MCF2: variants seen among roughly 807,000 people sequenced by gnomAD.
The protein encoded by MCF2 is proto-oncogene DBL.
Under a neutral mutation model 82.5 loss-of-function variants are expected in MCF2, and 44 were observed. The ratio of observed to expected loss-of-function variants is 0.53; its 90% CI spans 0.42 to 0.69. The LOEUF is 0.69. Among genes scored for constraint, MCF2 ranks in the 30% least tolerant of loss-of-function variants. The pLI, the probability that MCF2 is intolerant of heterozygous loss-of-function variation, is 0.00. For missense variants in MCF2, 623 were observed against 663.1 expected, an observed-to-expected ratio of 0.94 and a Z score of 0.66; for synonymous variants, 217 against 224.9, an observed-to-expected ratio of 0.96 and a Z score of 0.32.
chrX:139,687,314 C>G (rs1184432057), intron 1 of MCF2, among the ~76,000 whole-genome samples: 1 of 112,816 alleles, frequency 8.9e-6, no homozygotes, highest in East Asian at 2.8e-4. Context: ...CATAAACATA[C>G]AATGAGGGGA....
At chrX:139,679,423 A>G (rs1934948806) in intron 1 of MCF2, among the ~76,000 whole-genome samples, 1 of 111,897 alleles carries the variant, frequency 8.9e-6, no homozygotes, top group African/African-American at 3.2e-5. Flanking sequence ...CACAACTTTA[A>G]CTTTTTTTTC....
At chrX:139,691,406 A>G (rs1313388258) in intron 1 of MCF2, among the ~76,000 whole-genome samples, 1 of 111,927 alleles carries the variant, frequency 8.9e-6, no homozygotes, top group Non-Finnish European at 1.9e-5. Flanking sequence ...GAATATTACA[A>G]GGGAAGTGCA....
chrX:139,675,583 T>C (rs1404645617), intron 1 of MCF2, among the ~76,000 whole-genome samples: 1 of 112,464 alleles, frequency 8.9e-6, no homozygotes, highest in East Asian at 2.8e-4. Context: ...CTGTTGGAGT[T>C]TGCTGGAGGT....
chrX:139,594,895 C>T (rs1268997443), intron 19 of MCF2, among the ~76,000 whole-genome samples: 1 of 111,152 alleles, frequency 9.0e-6, no homozygotes, highest in Admixed American at 9.5e-5. Context: ...AAACAAATAA[C>T]CCCATCAAAA....
At chrX:139,695,279 C>T (rs1168926098) in intron 1 of MCF2, among the ~76,000 whole-genome samples, 3 of 111,499 alleles carry the variant, frequency 2.7e-5, no homozygotes, top group Non-Finnish European at 5.6e-5. Flanking sequence ...ATCTGCCCGC[C>T]TCGGCCTCCC....
chrX:139,623,959 T>A (rs1225438516), intron 6 of MCF2, among the ~76,000 whole-genome samples: 4 of 111,456 alleles, frequency 3.6e-5, no homozygotes, highest in Non-Finnish European at 7.5e-5. Flanking sequence ...GAAATTTTTA[T>A]GAGAAGGAGG....
chrX:139,598,321 T>G, intron 17 of MCF2, 85 bp downstream of exon 21: 1 of 614,440 alleles, frequency 1.6e-6, no homozygotes. Flanking sequence ...TTTCTAGTGC[T>G]TCCTAGTAAA....
At chrX:139,593,182 G>A (rs924301628) in intron 19 of MCF2, among the ~76,000 whole-genome samples, 4 of 111,974 alleles carry the variant, frequency 3.6e-5, no homozygotes, top group Non-Finnish European at 1.9e-5. Flanking sequence ...GCATAGAGGT[G>A]TTTATAGTAT....
upstream of MCF2, among the ~76,000 whole-genome samples, chrX:139,646,061 C>A (rs766799965): frequency 4.5e-4 from 50 of 111,741 alleles, no homozygotes; most frequent in African/African-American, 1.6e-3. Flanking sequence ...ACTGCTAAAT[C>A]TATTTTTCTA....
At position 139,635,655 on chromosome X, in the gene MCF2, G is replaced by GA. The variant is rs34477675; in HGVS notation, c.52-3202dup. ...CTGGGCAACAGGGTGAGACTCTGCC[G>GA]AAAAAAAATATATATATATGTTTTC... On this transcript the variant is annotated intron_variant, in intron 1 of 24. Coordinates refer to ENST00000370576, the Ensembl canonical transcript of MCF2. Among the ~76,000 whole-genome samples, 399 of 105,654 alleles carry GA rather than the reference G, an allele frequency of 3.8e-3. 2 individuals carry two copies. The highest frequency in any genetic ancestry group is 0.011 in the African/African-American group (320 of 29,488). The allele number at this position is 105,654 out of a possible 115,157, so 91.7% of individuals were successfully genotyped here.
At chrX:139,660,919 C>G (rs1033185589) in intron 1 of MCF2, among the ~76,000 whole-genome samples, 1 of 111,362 alleles carries the variant, frequency 9.0e-6, no homozygotes, top group Non-Finnish European at 1.9e-5. Flanking sequence ...CCTCACCTCA[C>G]AAAGCATAAA....
chrX:139,667,657 G>C (rs930507286), intron 1 of MCF2, among the ~76,000 whole-genome samples: 14 of 111,974 alleles, frequency 1.3e-4, no homozygotes, highest in African/African-American at 4.5e-4. Context: ...CCAATGGTGA[G>C]AGCAGGCACT....
intron 12 of MCF2, chrX:139,607,344 T>C (rs1471275937): frequency 8.0e-6 from 1 of 124,498 alleles, no homozygotes; most frequent in Non-Finnish European, 1.6e-5. Flanking sequence ...TTATACATTG[T>C]ACACATGTAT....
intron 1 of MCF2, among the ~76,000 whole-genome samples, chrX:139,688,700 A>T (rs1242616489): frequency 1.8e-5 from 2 of 111,352 alleles, no homozygotes; most frequent in Admixed American, 9.5e-5. Context: ...TCAGGTAAAG[A>T]AATGTGTGAG....
intron 4 of MCF2, among the ~76,000 whole-genome samples, chrX:139,629,192 T>C (rs952895075): frequency 3.6e-5 from 4 of 112,174 alleles, no homozygotes; most frequent in Admixed American, 2.8e-4. Context: ...GTATAGCCTA[T>C]TGCTCCTAAG....
intron 7 of MCF2, among the ~76,000 whole-genome samples, chrX:139,618,127 A>C (rs1932067808): frequency 9.0e-6 from 1 of 110,914 alleles, no homozygotes; most frequent in Non-Finnish European, 1.9e-5. Context: ...ATGTACCTGG[A>C]CTACTTCACA....
intron 3 of MCF2, 62 bp downstream of exon 6, chrX:139,631,333 A>G: frequency 1.6e-6 from 1 of 637,035 alleles, no homozygotes; most frequent in Admixed American, 3.2e-5. Context: ...GAATTCTAGA[A>G]CTAGATTTAA....
At chrX:139,683,289 C>A (rs933277449) in intron 1 of MCF2, among the ~76,000 whole-genome samples, 17 of 112,643 alleles carry the variant, frequency 1.5e-4, no homozygotes, top group African/African-American at 5.5e-4. Context: ...AATGTGAGCA[C>A]TGAAGGGCAG....
At chrX:139,584,130 T>A (rs998569317) in intron 24 of MCF2, among the ~76,000 whole-genome samples, 1,110 of 83,563 alleles carry the variant, frequency 0.013, 21 homozygotes, top group African/African-American at 0.052. Context: ...CCATTATCCT[T>A]TTTTTTTTTT....
Sources: allele counts gnomAD v4.1 joint callset (sites outside exome capture counted in the v4.1 genomes callset), GRCh38; gene constraint gnomAD v4.1.1; transcripts MANE v1.5; gene names NCBI Gene and HGNC (gene_info 2026-07-23, HGNC 2026-07-21).